The following SDK2 variants were observed in gnomAD, a reference collection of about 807,000 sequenced individuals.
SDK2 encodes the protein protein sidekick-2.
Under a neutral mutation model 253.9 loss-of-function variants are expected in SDK2, and 105 were observed. The ratio of observed to expected loss-of-function variants is 0.41; its 90% CI spans 0.35 to 0.49. The LOEUF (loss-of-function observed/expected upper bound fraction) is 0.49, where lower values mean the gene tolerates loss of function less well. Ranked by LOEUF, SDK2 falls within the 20% of genes least tolerant of loss-of-function variation. SDK2 has a pLI of 0.06. For missense variants in SDK2, 2,608 were observed against 3,003.0 expected (o/e 0.87, Z 3.07); for synonymous variants, 1,249 against 1,234.9 (o/e 1.01, Z -0.24).
intron 1 of SDK2, among the ~76,000 whole-genome samples, chr17:73,509,715 T>C (rs1379045015): frequency 2.7e-5 from 4 of 147,690 alleles, no homozygotes; most frequent in Non-Finnish European, 5.9e-5. Context: ...CTGGGCAATA[T>C]GGTGAAATCC....
chr17:73,442,819 GAA>G (rs1346834529), intron 5 of SDK2, among the ~76,000 whole-genome samples: 4 of 141,066 alleles, frequency 2.8e-5, no homozygotes, highest in Admixed American at 7.1e-5. Flanking sequence ...GGTTTTATTG[GAA>G]AAAAAAAAAG....
chr17:73,575,015 G>T (rs1043996311), intron 1 of SDK2, among the ~76,000 whole-genome samples: 1 of 152,218 alleles, frequency 6.6e-6, no homozygotes, highest in Non-Finnish European at 1.5e-5. Flanking sequence ...CTAAAGGACT[G>T]CTCGTATAGT....
chr17:73,412,939 C>G (rs1014390984), intron 18 of SDK2, among the ~76,000 whole-genome samples: 13 of 152,086 alleles, frequency 8.5e-5, no homozygotes, highest in Non-Finnish European at 1.8e-4. Flanking sequence ...TCAGAGGAAA[C>G]CAACCCTGCC....
chr17:73,488,913 C>T (rs972808378), intron 2 of SDK2, among the ~76,000 whole-genome samples: 82 of 152,212 alleles, frequency 5.4e-4, no homozygotes, highest in Non-Finnish European at 4.4e-5. Flanking sequence ...TTTCTACCAA[C>T]GTATCCGTCA....
In SDK2 at chr17:73,419,181, T is replaced by C; in HGVS notation, c.2171A>G (p.Lys724Arg). 1.9e-6 allele frequency: 3 copies of C among 1,612,410 alleles called. No individual in the cohort carries two copies. Among genetic ancestry groups the C allele is most frequent in the Non-Finnish European group, 2.5e-6 (3 of 1,179,426 alleles). Residue 724 changes from lysine to arginine, a missense_variant, in exon 16 of 45, where the codon AAG (lysine) becomes AGG (arginine). Coordinates refer to ENST00000392650, the MANE Select transcript of SDK2 (RefSeq NM_001144952.2). ...GGACACCCACCTGATGATGTAACCC[T>C]TGAGAATTCCATTCTGGTGGCTCTC... ...PPESHQNGIL[K>R]GYIIRYCLAG...
chr17:73,466,376 T>C (rs781699426), intron 3 of SDK2, among the ~76,000 whole-genome samples: 1 of 152,232 alleles, frequency 6.6e-6, no homozygotes, highest in Non-Finnish European at 1.5e-5. Context: ...TCCGTACTCA[T>C]GGTAGCATCC....
At chr17:73,482,329 T>C (rs2063731057) in intron 2 of SDK2, among the ~76,000 whole-genome samples, 1 of 151,630 alleles carries the variant, frequency 6.6e-6, no homozygotes, top group Non-Finnish European at 1.5e-5. Flanking sequence ...CTCATAGGGC[T>C]GAGCAGGGCA....
At chr17:73,640,655 T>C (rs1423685132) in intron 1 of SDK2, among the ~76,000 whole-genome samples, 2 of 152,232 alleles carry the variant, frequency 1.3e-5, no homozygotes, top group South Asian at 4.1e-4. Flanking sequence ...AATTAAACTT[T>C]CATCCCGCTC....
At chr17:73,384,425 T>A (rs1268614354) in intron 32 of SDK2, among the ~76,000 whole-genome samples, 1 of 152,148 alleles carries the variant, frequency 6.6e-6, no homozygotes, top group East Asian at 1.9e-4. Context: ...TGCCTTAGCA[T>A]CTGGATAACA....
At position 73,438,104 on chromosome 17, in the gene SDK2, G is replaced by A. The variant is rs146398103; in HGVS notation, c.776C>T (p.Ser259Leu). ...GCGGTTGTGGTCACTGATGCCGCCC[G>A]ACAGCAATACCCCGTCCTTCTTCCA... The part of the protein sequence containing the change: ...IIWKKDGVLL[S>L]GGISDHNRRL... Residue 259 changes from serine to leucine, a missense_variant, in exon 7 of 45, where the codon TCG (serine) becomes TTG (leucine). Transcript: ENST00000392650. 758 of 1,551,658 alleles carry A rather than the reference G, an allele frequency of 4.9e-4. 10 individuals are homozygous for A. In the East Asian group the frequency reaches 0.016, roughly 33 times the overall value.
chr17:73,612,422 C>A lies in SDK2; in HGVS notation c.64+31603G>T, dbSNP rs1260313588. On this transcript the variant is annotated intron_variant, in intron 1 of 44. Transcript: ENST00000392650. This position sits in a 1 kb window ranked among gnomAD's most constrained non-coding sequence, Gnocchi z 4.4. ...GGCCCAGCTGCACCTAGGCTGCAGG[C>A]TGGCCTCCCAAGGTCCCCTACCCTC... is the stretch of plus-strand genomic sequence containing the variant. Among the ~76,000 whole-genome samples, 1 of 152,138 alleles carries A rather than the reference C, an allele frequency of 6.6e-6. No individual in the cohort carries two copies. Among genetic ancestry groups the A allele is most frequent in the Admixed American group, 6.5e-5 (1 of 15,270 alleles).
At chr17:73,473,403 C>A (rs2063665709) in intron 2 of SDK2, among the ~76,000 whole-genome samples, 1 of 152,162 alleles carries the variant, frequency 6.6e-6, no homozygotes, top group Non-Finnish European at 1.5e-5. Context: ...AGGCAATGGT[C>A]CCACAGGACC....
Position 73,455,257 on chromosome 17 carries a change from C to T in SDK2, c.479+649G>A, listed in dbSNP as rs140097098. On this transcript the variant is annotated intron_variant, in intron 4 of 44. Transcript: ENST00000392650. The surrounding 1 kb of genome is among the most constrained non-coding windows in gnomAD (Gnocchi z 5.0). ...GGGGTGGCTCAGGAGGGCGGGGAGA[C>T]GGGTGTATCTCGGGAGGAACTGCTT... Among the ~76,000 whole-genome samples the T allele has an allele frequency of 3.2e-4, 49 of 152,224 alleles. No homozygotes were observed. The highest frequency in any genetic ancestry group is 1.2e-3 in the African/African-American group (48 of 41,558).
intron 5 of SDK2, among the ~76,000 whole-genome samples, chr17:73,444,397 C>A (rs758008522): frequency 2.6e-5 from 4 of 152,152 alleles, no homozygotes; most frequent in African/African-American, 9.7e-5. Context: ...AAAGGCCAGA[C>A]CATGAAAATC....
intron 18 of SDK2, among the ~76,000 whole-genome samples, chr17:73,408,750 G>C (rs1166605350): frequency 6.6e-6 from 1 of 152,184 alleles, no homozygotes; most frequent in Admixed American, 6.5e-5. Flanking sequence ...GAGAGAGAAA[G>C]AATCTATAGA....
At chr17:73,454,611 A>C (rs1277988544) in intron 4 of SDK2, among the ~76,000 whole-genome samples, 2 of 152,162 alleles carry the variant, frequency 1.3e-5, no homozygotes, top group East Asian at 1.9e-4. Context: ...GGCTGTCCGG[A>C]AAGAGAGGGG....
chr17:73,398,465 A>G (rs377687422), intron 22 of SDK2, 36 bp from the exon 23 acceptor site: 92 of 1,568,138 alleles, frequency 5.9e-5, no homozygotes, highest in Non-Finnish European at 7.9e-5. Context: ...TGTCCAGCCT[A>G]CAGGGCCCAC....
chr17:73,640,281 G>A (rs1042549567), intron 1 of SDK2, among the ~76,000 whole-genome samples: 17 of 150,936 alleles, frequency 1.1e-4, no homozygotes, highest in Admixed American at 7.3e-4. Context: ...GGGGTCGAGG[G>A]TGGGATTTCC....
chr17:73,390,607 G>T, intron 28 of SDK2, 126 bp from the exon 29 acceptor site: 1 of 992,770 alleles, frequency 1.0e-6, no homozygotes, highest in Non-Finnish European at 1.5e-6. Context: ...TGGTCCCTTT[G>T]GCTGTGGTCT....
Sources: gnomAD v4.1 joint callset for allele counts (sites outside exome capture counted in the v4.1 genomes callset) on GRCh38, gnomAD v4.1.1 for gene constraint, Gnocchi (gnomAD v3.1) non-coding constraint, MANE v1.5 for transcripts, NCBI Gene and HGNC (gene_info 2026-07-23, HGNC 2026-07-21) for gene names.